The following TACC1 variants were observed in gnomAD, a reference collection of about 807,000 sequenced individuals.
TACC1 encodes the protein transforming acidic coiled-coil containing protein 1.
TACC1 carries 48 observed loss-of-function variants against 84.4 expected under a neutral mutation model. That is an observed-to-expected ratio of 0.57 (90% CI 0.45 to 0.72). The LOEUF is 0.72. Among genes scored for constraint, TACC1 ranks in the 30% least tolerant of loss-of-function variants. The probability of loss-of-function intolerance (pLI) is 0.00; values close to 1 mark genes in which losing one functional copy is unlikely to be tolerated. For synonymous variants in TACC1, 372 were observed against 376.3 expected (o/e 0.99, Z 0.13); for missense variants, 920 against 973.0 (o/e 0.95, Z 0.72).
chr8:38,804,579 G>C (rs1288494664), intron 2 of TACC1, among the ~76,000 whole-genome samples: 1 of 152,286 alleles, frequency 6.6e-6, no homozygotes, highest in Admixed American at 6.5e-5. Flanking sequence ...GGGATTACAG[G>C]CGTGAGCCAC....
intron 1 of TACC1, among the ~76,000 whole-genome samples, chr8:38,738,501 T>TAGG (rs1444699293): frequency 3.9e-5 from 6 of 152,336 alleles, no homozygotes; most frequent in Middle Eastern, 3.4e-3. Context: ...TAGGGGCTTG[T>TAGG]GGATTTCTTT....
chr8:38,834,226 A>G (rs1236520502), intron 6 of TACC1, among the ~76,000 whole-genome samples: 1 of 152,192 alleles, frequency 6.6e-6, no homozygotes, highest in African/African-American at 2.4e-5. Flanking sequence ...TCTGCTTCCA[A>G]GCTCACTCAT....
chr8:38,811,082 T>G (rs1373676197), intron 2 of TACC1, among the ~76,000 whole-genome samples: 1 of 151,874 alleles, frequency 6.6e-6, no homozygotes, highest in Non-Finnish European at 1.5e-5. Context: ...CACGCTACAG[T>G]ATTCAAGCCT....
chr8:38,831,749 G>A (rs770155462), intron 6 of TACC1, among the ~76,000 whole-genome samples: 9 of 151,806 alleles, frequency 5.9e-5, no homozygotes, highest in African/African-American at 2.2e-4. Flanking sequence ...GCCCACCTCC[G>A]CCTCCCAAAG....
At chr8:38,771,997 TAAAC>T (rs1813713432) in intron 3 of TACC1, among the ~76,000 whole-genome samples, 1 of 149,922 alleles carries the variant, frequency 6.7e-6, no homozygotes, top group South Asian at 2.1e-4. Flanking sequence ...GCAAAAGACT[TAAAC>T]ACTCCATATA....
intron 2 of TACC1, among the ~76,000 whole-genome samples, chr8:38,794,148 T>C (rs1819410296): frequency 6.6e-6 from 1 of 152,180 alleles, no homozygotes; most frequent in African/African-American, 2.4e-5. Context: ...GAACTTGATT[T>C]TCAATTGACT....
chr8:38,792,574 T>C (rs978193236), intron 2 of TACC1, among the ~76,000 whole-genome samples: 6 of 152,228 alleles, frequency 3.9e-5, no homozygotes, highest in Non-Finnish European at 8.8e-5. Context: ...CACGCCATTC[T>C]TCTGCCTCAG....
At chr8:38,797,780 C>T (rs1263231674) in intron 2 of TACC1, among the ~76,000 whole-genome samples, 1 of 152,244 alleles carries the variant, frequency 6.6e-6, no homozygotes, top group Non-Finnish European at 1.5e-5. Flanking sequence ...CAGATCTCTG[C>T]ACAGGAGCCC....
chr8:38,812,675 T>C (rs1255222821), intron 2 of TACC1, among the ~76,000 whole-genome samples: 2 of 152,260 alleles, frequency 1.3e-5, no homozygotes, highest in African/African-American at 4.8e-5. Context: ...AACTCATGGC[T>C]TCCTGTTGCT....
In TACC1 at chr8:38,820,545, C is replaced by T; in HGVS notation, c.1301C>T (p.Thr434Ile). 1 of 1,614,166 alleles carries T rather than the reference C, an allele frequency of 6.2e-7. No homozygotes were observed. Among genetic ancestry groups the T allele is most frequent in the Non-Finnish European group, 8.5e-7 (1 of 1,180,018 alleles). Reference sequence around the variant, plus strand: ...ATGGATCCCTTTAAACCAACTACGACCTTAACAAGCAGTGACTTTTGTTCT... The same window carrying T: ...ATGGATCCCTTTAAACCAACTACGATCTTAACAAGCAGTGACTTTTGTTCT... ...ESMDPFKPTT[T>I]LTSSDFCSPT... Residue 434 changes from threonine to isoleucine, a missense_variant, in exon 3 of 13, where the codon ACC becomes ATC. Physicochemically the swap from Thr to Ile is moderately conservative, Grantham distance 89. Transcript: ENST00000317827.
At chr8:38,785,734 T>G, upstream of TACC1, 3 of 985,284 alleles carry the variant, frequency 3.0e-6, no homozygotes, top group Non-Finnish European at 3.6e-6. Context: ...GAAGTTTTAC[T>G]GGGTAAGCAT....
chr8:38,838,691 T>A, intron 8 of TACC1, 145 bp downstream of exon 8: 2 of 638,786 alleles, frequency 3.1e-6, no homozygotes, highest in Non-Finnish European at 5.6e-6. Flanking sequence ...GCTTTGTGAT[T>A]GAGAATGTTA....
chr8:38,769,506 G>GTGTGAT (rs2151874606), intron 3 of TACC1, among the ~76,000 whole-genome samples: 2 of 144,900 alleles, frequency 1.4e-5, no homozygotes, highest in East Asian at 2.1e-4. Flanking sequence ...TGTGGTGTGT[G>GTGTGAT]TGTGTGGTGT....
At position 38,851,795 on chromosome 8, in the gene TACC1, A is replaced by C. The variant is rs1833123104; in HGVS notation, c.*3772A>C. On this transcript the variant is annotated 3_prime_UTR_variant, in exon 13 of 13. Transcript: ENST00000317827. ...AGATGTATTTATTCTGAAGAATCTA[A>C]AAGATAACAGATTATTTGCTTATGA... The C allele has an allele frequency of 2.7e-6, 1 of 374,216 alleles. No individual in the cohort carries two copies. The highest frequency in any genetic ancestry group is 2.1e-5 in the African/African-American group (1 of 47,280). The allele number at this position is 374,216 out of a possible 1,614,324, so 23.2% of individuals were successfully genotyped here.
upstream of TACC1, among the ~76,000 whole-genome samples, chr8:38,786,781 G>A (rs1387266117): frequency 6.6e-6 from 1 of 151,810 alleles, no homozygotes; most frequent in Non-Finnish European, 1.5e-5. Flanking sequence ...ACGCTGCCAG[G>A]GTTAGGGAGG....
intron 8 of TACC1, 51 bp from the exon 9 acceptor site, chr8:38,840,173 T>C (rs766624752): frequency 1.7e-5 from 24 of 1,432,022 alleles, no homozygotes; most frequent in Non-Finnish European, 2.0e-5. Context: ...TCTCCAACTT[T>C]CATTGTCTGA....
Position 38,751,489 on chromosome 8 carries a change from A to G in TACC1, c.26+5996A>G, listed in dbSNP as rs554617972. On this transcript the variant is annotated intron_variant, in intron 3 of 14. Coordinates refer to the TACC1 transcript ENST00000518415. The stretch of plus-strand genomic sequence containing the variant: ...GTACAAGCACTGCTCGTTTTATTGC[A>G]TTTCACTTTATTGCACTTCACATAT... Among the ~76,000 whole-genome samples the G allele has an allele frequency of 7.2e-5, 11 of 152,258 alleles. No individual in the cohort carries two copies. In the East Asian group the frequency reaches 2.1e-3, roughly 29 times the overall value.
At chr8:38,846,252 C>T (rs1832230475) in intron 11 of TACC1, 2 of 139,498 alleles carry the variant, frequency 1.4e-5, no homozygotes, top group African/African-American at 5.3e-5. Context: ...CCACTGTACT[C>T]CAGCCTGGGT....
chr8:38,836,272 C>T lies in TACC1; in HGVS notation c.1824C>T (p.Thr608=), dbSNP rs1830218148. 1 of 1,610,110 alleles carries T rather than the reference C, an allele frequency of 6.2e-7. No homozygotes were observed. Among genetic ancestry groups the T allele is most frequent in the South Asian group, 1.1e-5 (1 of 91,072 alleles). Residue 608 remains threonine, a synonymous_variant, in exon 7 of 13, where the codon ACC becomes ACT. Transcript: ENST00000317827. ...LSESDKTAVL[T]LIREEIITKE... ...AATCAGACAAGACAGCCGTGCTCACCTTAATAAGAGAAGAGGTAAAAGCTC... is the reference window on the plus strand; with the variant it reads ...AATCAGACAAGACAGCCGTGCTCACTTTAATAAGAGAAGAGGTAAAAGCTC...
Sources: gnomAD v4.1 joint callset for allele counts (sites outside exome capture counted in the v4.1 genomes callset) on GRCh38, gnomAD v4.1.1 for gene constraint, MANE v1.5 for transcripts, NCBI Gene and HGNC (gene_info 2026-07-23, HGNC 2026-07-21) for gene names.